Variants in MILR1 observed in about 807,000 individuals in gnomAD.
MILR1 encodes allergin-1.
A neutral mutation model predicts 18.5 loss-of-function variants in MILR1; 31 were observed. That is an observed-to-expected ratio of 1.68 (90% CI 1.26 to 2.26). MILR1 has a LOEUF of 2.26. MILR1 is among the 30% of genes most tolerant of loss of function. MILR1 has a pLI of 0.00. For missense variants in MILR1, 257 were observed against 157.4 expected (o/e 1.63, Z -3.38); for synonymous variants, 85 against 56.2 (o/e 1.51, Z -2.30).
the MILR1 span, chr17:64,478,039 A>C: frequency 1.9e-6 from 3 of 1,583,994 alleles, no homozygotes; most frequent in Non-Finnish European, 2.6e-6. Flanking sequence ...TAAATAATAA[A>C]TTCCTCCACG....
chr17:64,489,552 G>T, the MILR1 span, among the ~76,000 whole-genome samples: 1 of 151,774 alleles, frequency 6.6e-6, no homozygotes, highest in African/African-American at 2.4e-5. Flanking sequence ...TTTCATCCCA[G>T]GAGTTCGAGA....
chr17:64,496,407 C>A, the MILR1 span: 1 of 1,563,830 alleles, frequency 6.4e-7, no homozygotes, highest in Non-Finnish European at 8.7e-7. Flanking sequence ...TGAAGCATAC[C>A]GTGAAGAAGG....
chr17:64,469,990 A>T (rs1250835716), downstream of MILR1, among the ~76,000 whole-genome samples: 1 of 152,208 alleles, frequency 6.6e-6, no homozygotes, highest in Non-Finnish European at 1.5e-5. Context: ...GGCAGGGGAC[A>T]ACGAGGAGTG....
chr17:64,452,617 G>C lies in MILR1; in HGVS notation c.118G>C (p.Asp40His), dbSNP rs910941165. Residue 40 changes from aspartate to histidine, a missense_variant, in exon 3 of 10, where the codon GAC (aspartate) becomes CAC (histidine). Physicochemically the swap from Asp to His is moderately conservative, Grantham distance 81. Transcript: ENST00000619286. ...KTNEFPSPCL[D>H]SKTKVVMKGQ... The stretch of plus-strand genomic sequence containing the variant: ...TTCAGAATTCCCTTCTCCATGTTTG[G>C]ACTCAAAGACTAAGGTGGTTATGAA... 2.4e-6 allele frequency: 1 copy of C among 423,412 alleles called. No homozygotes were observed. Among genetic ancestry groups the C allele is most frequent in the Non-Finnish European group, 4.3e-6 (1 of 231,304 alleles). The allele number at this position is 423,412 out of a possible 1,614,324, so 26.2% of individuals were successfully genotyped here. A position where few individuals can be genotyped will look rare whatever the true frequency, so the allele number is the denominator to read the frequency against.
chr17:64,496,771 G>T, the MILR1 span: 1 of 1,613,800 alleles, frequency 6.2e-7, no homozygotes, highest in Non-Finnish European at 8.5e-7. Context: ...ACAGCGCCTC[G>T]CTTCCCTCTC....
chr17:64,460,914 C>T lies in MILR1; in HGVS notation c.745C>T (p.Leu249=). The change falls in exon 5 of 10, where the codon CTG becomes TTG. Residue 249 remains leucine (L), a synonymous_variant. Transcript: ENST00000619286. ...AATCCTAATTCTGGCTTTTTGGGTA[C>T]TGCCCAAATACAAAACAAGTAAGTT... The part of the protein sequence containing the change: ...VIILILAFWV[L]PKYKTRKAMR... 2.1e-6 allele frequency: 1 copy of T among 474,966 alleles called. No homozygotes were observed. Among genetic ancestry groups the T allele is most frequent in the South Asian group, 6.7e-5 (1 of 14,876 alleles). The allele number at this position is 474,966 out of a possible 1,614,324, so 29.4% of individuals were successfully genotyped here.
At chr17:64,453,886 T>C (rs1378148994) in intron 3 of MILR1, among the ~76,000 whole-genome samples, 2 of 152,122 alleles carry the variant, frequency 1.3e-5, no homozygotes, top group African/African-American at 2.4e-5. Context: ...TGCTATCCAG[T>C]ACGGTACTGT....
the MILR1 span, among the ~76,000 whole-genome samples, chr17:64,476,192 G>A: frequency 6.6e-6 from 1 of 152,044 alleles, no homozygotes. Context: ...TACCATAAAT[G>A]TATGTATCTG....
the MILR1 span, chr17:64,496,759 T>C: frequency 6.2e-7 from 1 of 1,613,962 alleles, no homozygotes; most frequent in Non-Finnish European, 8.5e-7. Flanking sequence ...GACAGATCTC[T>C]AACAGCGCCT....
the MILR1 span, chr17:64,480,469 A>G: frequency 1.5e-6 from 1 of 672,994 alleles, no homozygotes; most frequent in East Asian, 3.0e-5. Flanking sequence ...TGAAGCCACA[A>G]ATCACCCTCT....
At position 64,468,594 on chromosome 17, in the gene MILR1, T is replaced by A; in HGVS notation, c.*313T>A. 1 of 1,149,134 alleles carries A rather than the reference T, an allele frequency of 8.7e-7. No individual in the cohort carries two copies. Among genetic ancestry groups the A allele is most frequent in the Non-Finnish European group, 1.1e-6 (1 of 924,428 alleles). The allele number at this position is 1,149,134 out of a possible 1,614,324, so 71.2% of individuals were successfully genotyped here. ...CTGAGCCACCGTGCCCGGCCCTGAA[T>A]CGCTTTAGTAAATAAAGGGTCTCCA... On this transcript the variant is annotated 3_prime_UTR_variant, in exon 10 of 10. Transcript: ENST00000619286.
chr17:64,463,967 GCGCC>G (rs2037488995), intron 5 of MILR1, among the ~76,000 whole-genome samples: 1 of 151,656 alleles, frequency 6.6e-6, no homozygotes. Flanking sequence ...GGGATTACAG[GCGCC>G]CACCACCACG....
At chr17:64,460,993 GA>G in intron 5 of MILR1, 61 bp downstream of exon 5, 1 of 466,476 alleles carries the variant, frequency 2.1e-6, no homozygotes. Context: ...CAGACAGCAG[GA>G]CAGAGGGTGA....
chr17:64,456,510 G>A (rs2037303924), intron 3 of MILR1, among the ~76,000 whole-genome samples: 1 of 152,042 alleles, frequency 6.6e-6, no homozygotes, highest in Non-Finnish European at 1.5e-5. Context: ...AGTACAGTTG[G>A]AGAAAACGAT....
the MILR1 span, chr17:64,496,687 C>T: frequency 1.9e-6 from 3 of 1,614,014 alleles, no homozygotes; most frequent in South Asian, 2.2e-5. Flanking sequence ...CGGGGTGGCA[C>T]CCACTCAGAA....
At chr17:64,463,277 G>A (rs1237039460) in intron 5 of MILR1, among the ~76,000 whole-genome samples, 1 of 152,088 alleles carries the variant, frequency 6.6e-6, no homozygotes, top group Non-Finnish European at 1.5e-5. Context: ...CAAAGTGCTG[G>A]GATTACAGGC....
chr17:64,467,043 TTTC>T (rs1303564960), intron 8 of MILR1, among the ~76,000 whole-genome samples: 3 of 148,882 alleles, frequency 2.0e-5, no homozygotes, highest in Non-Finnish European at 4.4e-5. Context: ...TCTTTCTTTC[TTTC>T]TTCTTTCTTT....
chr17:64,485,586 T>TA, the MILR1 span: 2 of 725,292 alleles, frequency 2.8e-6, no homozygotes, highest in East Asian at 2.7e-5. Flanking sequence ...GGCCAGATTC[T>TA]AAAAAAACTG....
intron 4 of MILR1, among the ~76,000 whole-genome samples, chr17:64,460,269 A>G (rs1472265982): frequency 6.6e-6 from 1 of 151,312 alleles, no homozygotes; most frequent in Non-Finnish European, 1.5e-5. Flanking sequence ...CAGGTGATCT[A>G]CCTGCCTTGG....
Sources: gnomAD v4.1 joint callset for allele counts (sites outside exome capture counted in the v4.1 genomes callset) on GRCh38, gnomAD v4.1.1 for gene constraint, MANE v1.5 for transcripts, NCBI Gene and HGNC (gene_info 2026-07-23, HGNC 2026-07-21) for gene names.